The following KCNQ5 variants were observed in gnomAD, a reference collection of about 807,000 sequenced individuals.
The protein encoded by KCNQ5 is potassium voltage-gated channel subfamily KQT member 5.
A neutral mutation model predicts 98.2 loss-of-function variants in KCNQ5; 30 were observed. The observed-to-expected ratio is 0.31, with a 90% CI of 0.23 to 0.41. The LOEUF (loss-of-function observed/expected upper bound fraction) is 0.41. KCNQ5 is among the 10% of genes least tolerant of loss of function. KCNQ5 has a pLI of 1.00. For missense variants in KCNQ5, 835 were observed against 1,182.5 expected, an observed-to-expected ratio of 0.71 and a Z score of 4.31; for synonymous variants, 458 against 449.4, an observed-to-expected ratio of 1.02 and a Z score of -0.24.
chr6:72,679,423 T>C (rs957949206), intron 1 of KCNQ5, among the ~76,000 whole-genome samples: 1 of 152,038 alleles, frequency 6.6e-6, no homozygotes, highest in Non-Finnish European at 1.5e-5. Flanking sequence ...GTCCTTTGCA[T>C]GGACATGGAT....
At chr6:73,169,921 T>C (rs1176421294) in intron 11 of KCNQ5, 67 bp downstream of exon 11, 6 of 1,055,058 alleles carry the variant, frequency 5.7e-6, no homozygotes, top group Non-Finnish European at 8.8e-6. Context: ...ACTATGTTGC[T>C]AAGTTCTTTT....
rs548881107 is a variant in KCNQ5 at position 73,093,333 on chromosome 6, T to G, written c.919-11924T>G. Reference sequence around the variant, plus strand: ...TAATCTTGCTAACGGTCTATCAATTTTATTCATTTTTAAAGAACCAGCTTT... The same window carrying G: ...TAATCTTGCTAACGGTCTATCAATTGTATTCATTTTTAAAGAACCAGCTTT... On this transcript the variant is annotated intron_variant, in intron 5 of 13. Transcript: ENST00000370398. Among the ~76,000 whole-genome samples, 15 of 152,300 alleles carry G rather than the reference T, an allele frequency of 9.8e-5. 2 individuals carry two copies. The highest frequency in any genetic ancestry group is 9.8e-4 in the Admixed American group (15 of 15,290).
At chr6:72,907,813 CTT>C (rs1470718770) in intron 1 of KCNQ5, among the ~76,000 whole-genome samples, 3 of 151,866 alleles carry the variant, frequency 2.0e-5, no homozygotes, top group Admixed American at 6.6e-5. Context: ...CCACTAAAGA[CTT>C]TTTATAAAAG....
At chr6:72,714,477 T>C (rs1252640023) in intron 1 of KCNQ5, among the ~76,000 whole-genome samples, 1 of 152,192 alleles carries the variant, frequency 6.6e-6, no homozygotes, top group Non-Finnish European at 1.5e-5. Context: ...AAAAAGCCTT[T>C]ATAACACATC....
At chr6:73,141,439 A>G (rs536536865) in intron 10 of KCNQ5, among the ~76,000 whole-genome samples, 19 of 152,298 alleles carry the variant, frequency 1.2e-4, no homozygotes, top group African/African-American at 4.3e-4. Flanking sequence ...ATGCTTTTCT[A>G]TTTTGATAAG....
intron 2 of KCNQ5, 23 bp downstream of exon 2, chr6:73,004,021 C>T (rs1190965837): frequency 5.9e-6 from 8 of 1,366,558 alleles, no homozygotes; most frequent in South Asian, 4.7e-5. Flanking sequence ...TGAACAAGAA[C>T]GTACATGAAT....
intron 1 of KCNQ5, among the ~76,000 whole-genome samples, chr6:72,716,668 ACTAT>A (rs1769661227): frequency 6.6e-6 from 1 of 152,168 alleles, no homozygotes. Flanking sequence ...GTGTTTAATT[ACTAT>A]CTATTAAGTG....
At chr6:72,747,561 TTCTC>T (rs1771466103) in intron 1 of KCNQ5, among the ~76,000 whole-genome samples, 1 of 152,134 alleles carries the variant, frequency 6.6e-6, no homozygotes, top group African/African-American at 2.4e-5. Flanking sequence ...TTTTCTTTCT[TTCTC>T]AGTCAGACAA....
At chr6:72,988,050 C>T (rs1161223770) in intron 1 of KCNQ5, among the ~76,000 whole-genome samples, 2 of 152,102 alleles carry the variant, frequency 1.3e-5, no homozygotes, top group African/African-American at 4.8e-5. Flanking sequence ...AGAGGCAGCT[C>T]ATGTTTGGGG....
chr6:72,823,971 A>T (rs1366431806), intron 1 of KCNQ5, among the ~76,000 whole-genome samples: 3 of 152,140 alleles, frequency 2.0e-5, no homozygotes, highest in Admixed American at 2.0e-4. Flanking sequence ...AAAATATTTT[A>T]ATGTGTTTTT....
intron 1 of KCNQ5, among the ~76,000 whole-genome samples, chr6:72,932,505 G>A (rs1018868287): frequency 1.1e-4 from 17 of 152,096 alleles, no homozygotes; most frequent in African/African-American, 4.1e-4. Flanking sequence ...GTATCACTTT[G>A]ACAAAAATAA....
chr6:72,960,911 G>A (rs532458355), intron 1 of KCNQ5, among the ~76,000 whole-genome samples: 59 of 152,318 alleles, frequency 3.9e-4, no homozygotes, highest in Admixed American at 7.2e-4. Context: ...CCAGGAATTC[G>A]AGGCTGCAGT....
At chr6:73,084,692 G>A (rs1253559773) in intron 5 of KCNQ5, among the ~76,000 whole-genome samples, 2 of 152,164 alleles carry the variant, frequency 1.3e-5, no homozygotes, top group African/African-American at 2.4e-5. Context: ...AGCCCCTAAA[G>A]ATCGCATATG....
chr6:72,885,643 AG>A (rs1396093616), intron 1 of KCNQ5, among the ~76,000 whole-genome samples: 3 of 152,216 alleles, frequency 2.0e-5, no homozygotes, highest in Admixed American at 2.0e-4. Flanking sequence ...AGCCCCTTAA[AG>A]GCCTGAATTA....
At chr6:72,828,284 T>A (rs899654101) in intron 1 of KCNQ5, among the ~76,000 whole-genome samples, 1 of 152,172 alleles carries the variant, frequency 6.6e-6, no homozygotes, top group Non-Finnish European at 1.5e-5. Flanking sequence ...GGTATTTTGA[T>A]AGGAATTGCA....
chr6:72,768,654 GA>G (rs1328929217), intron 1 of KCNQ5, among the ~76,000 whole-genome samples: 8 of 151,928 alleles, frequency 5.3e-5, no homozygotes, highest in African/African-American at 1.7e-4. Flanking sequence ...GAGGAAAGTG[GA>G]AGACTGAGTA....
At chr6:73,175,786 C>T (rs1197403552) in intron 11 of KCNQ5, among the ~76,000 whole-genome samples, 2 of 152,172 alleles carry the variant, frequency 1.3e-5, no homozygotes, top group Non-Finnish European at 2.9e-5. Context: ...AAAGTAGAGT[C>T]AATTACAATG....
chr6:73,187,598 G>A (rs1251975597), intron 11 of KCNQ5, among the ~76,000 whole-genome samples: 1 of 152,112 alleles, frequency 6.6e-6, no homozygotes, highest in Non-Finnish European at 1.5e-5. Context: ...CCTATTAAGA[G>A]TTTTAAAATC....
chr6:72,799,732 C>A (rs1447449048), intron 1 of KCNQ5, among the ~76,000 whole-genome samples: 1 of 152,178 alleles, frequency 6.6e-6, no homozygotes, highest in Non-Finnish European at 1.5e-5. Context: ...GTGGGACTGC[C>A]TGCAGTCCTG....
Sources: gnomAD v4.1 joint callset for allele counts (sites outside exome capture counted in the v4.1 genomes callset) on GRCh38, gnomAD v4.1.1 for gene constraint, MANE v1.5 for transcripts, NCBI Gene and HGNC (gene_info 2026-07-23, HGNC 2026-07-21) for gene names.